The following OGDHL variants were observed in gnomAD, a reference collection of about 807,000 sequenced individuals.
The protein encoded by OGDHL is oxoglutarate dehydrogenase L.
In OGDHL, 79 loss-of-function variants were observed where a neutral mutation model predicts 109.6. The ratio of observed to expected loss-of-function variants is 0.72; its 90% CI spans 0.60 to 0.87. The LOEUF (loss-of-function observed/expected upper bound fraction) is 0.87, where lower values mean the gene tolerates loss of function less well. OGDHL is among the 40% of genes least tolerant of loss of function. The pLI is 0.00. For synonymous variants in OGDHL, 528 were observed against 537.2 expected (o/e 0.98, Z 0.24); for missense variants, 1,275 against 1,362.2 (o/e 0.94, Z 1.01).
intron 3 of OGDHL, among the ~76,000 whole-genome samples, chr10:49,752,975 A>G (rs905586057): frequency 1.3e-5 from 2 of 152,224 alleles, no homozygotes; most frequent in Non-Finnish European, 2.9e-5. Context: ...CAGGAAAAAG[A>G]CCTATGCACA....
At chr10:49,745,314 C>T (rs1184881200) in intron 12 of OGDHL, 30 bp downstream of exon 12, 1 of 1,610,050 alleles carries the variant, frequency 6.2e-7, no homozygotes, top group Non-Finnish European at 8.5e-7. Context: ...CAAAGTTTGT[C>T]TTGGGCGCCC....
At chr10:49,752,529 T>A in intron 4 of OGDHL, 109 bp downstream of exon 4, 1 of 947,280 alleles carries the variant, frequency 1.1e-6, no homozygotes. Context: ...TGTGGGCTGC[T>A]CCCCGAGCTC....
chr10:49,761,654 C>T lies in OGDHL; in HGVS notation c.-2+585G>A, dbSNP rs538166699. Among the ~76,000 whole-genome samples the T allele has an allele frequency of 8.1e-4, 124 of 152,350 alleles. 1 individual carries two copies. Among genetic ancestry groups the T allele is most frequent in the Non-Finnish European group, 1.0e-4 (7 of 68,032 alleles). ...GTCTCTCCGGTTCGGCGAATGCGTA[C>T]TGCAGCCTGCTGTGGCCTCGGGATT... On this transcript the variant is annotated intron_variant, in intron 1 of 22. Transcript: ENST00000374103.
intron 10 of OGDHL, 52 bp from the exon 11 acceptor site, chr10:49,746,029 T>C (rs764925024): frequency 1.9e-6 from 3 of 1,588,122 alleles, no homozygotes; most frequent in Admixed American, 1.7e-5. Flanking sequence ...TAGAGTGAGA[T>C]AGAAGGTGCC....
chr10:49,744,630 G>T lies in OGDHL; in HGVS notation c.1732+20C>A, dbSNP rs1160335491. 4 of 1,601,418 alleles carry T rather than the reference G, an allele frequency of 2.5e-6. No homozygotes were observed. In the Middle Eastern group the frequency reaches 5.0e-4, roughly 200 times the overall value. ...TCAAGGCCCAGGGGAGTCCCTCTGA[G>T]CCACACACTGCTCGCTCACCAGGCC... On this transcript the variant is annotated intron_variant, in intron 13 of 22. Coordinates refer to ENST00000374103, the MANE Select transcript of OGDHL (RefSeq NM_018245.3).
intron 7 of OGDHL, among the ~76,000 whole-genome samples, chr10:49,750,250 A>G (rs1842492054): frequency 6.6e-6 from 1 of 152,166 alleles, no homozygotes; most frequent in African/African-American, 2.4e-5. Context: ...ACATCTGCAC[A>G]TGCCCACTCA....
intron 17 of OGDHL, chr10:49,738,731 A>G (rs191900941): frequency 5.7e-6 from 1 of 176,616 alleles, no homozygotes; most frequent in South Asian, 1.4e-4. Context: ...GGCCAACCCA[A>G]CTCGGCCTGG....
chr10:49,742,237 CCA>C (rs777101846), intron 15 of OGDHL, among the ~76,000 whole-genome samples: 1 of 139,106 alleles, frequency 7.2e-6, no homozygotes, highest in Non-Finnish European at 1.5e-5. Context: ...CACGCACACA[CCA>C]CACATACACC....
intron 1 of OGDHL, among the ~76,000 whole-genome samples, chr10:49,761,540 G>A (rs547559333): frequency 2.6e-5 from 4 of 152,178 alleles, no homozygotes; most frequent in Non-Finnish European, 4.4e-5. Flanking sequence ...GCAACAAACC[G>A]CAATTCTATT....
Position 49,737,843 on chromosome 10 carries a change from G to C in OGDHL, c.2533C>G (p.Pro845Ala), listed in dbSNP as rs199729908. The C allele has an allele frequency of 6.2e-7, 1 of 1,614,210 alleles. No individual in the cohort carries two copies. Among genetic ancestry groups the C allele is most frequent in the Non-Finnish European group, 8.5e-7 (1 of 1,180,026 alleles). ...PFRKPLIIFT[P>A]KSLLRHPEAK... is the part of the protein sequence containing the mutation. ...TCTGGGTGCCTCAGCAGAGATTTAG[G>C]TGTGAAGATAATCAGCTGGAAGGGA... Residue 845 changes from proline (P) to alanine (A), a missense_variant, in exon 20 of 23, where the codon CCT becomes GCT. By Grantham distance (27) the Pro-to-Ala change is conservative. Transcript: ENST00000374103.
intron 10 of OGDHL, 33 bp from the exon 11 acceptor site, chr10:49,746,010 C>G: frequency 1.2e-6 from 2 of 1,607,486 alleles, no homozygotes; most frequent in Non-Finnish European, 1.7e-6. Flanking sequence ...CTGCGCCTCT[C>G]AATTTACTTA....
At chr10:49,754,982 C>T (rs1215180102) in intron 3 of OGDHL, among the ~76,000 whole-genome samples, 1 of 152,148 alleles carries the variant, frequency 6.6e-6, no homozygotes, top group African/African-American at 2.4e-5. Context: ...CAATGGCTCA[C>T]GCTGTAATCC....
intron 11 of OGDHL, 139 bp from the exon 12 acceptor site, chr10:49,745,635 A>C: frequency 7.6e-7 from 1 of 1,311,742 alleles, no homozygotes; most frequent in South Asian, 1.4e-5. Context: ...CACCGAATGA[A>C]TGTCCCGTCC....
At chr10:49,741,742 C>T (rs1299738068) in intron 15 of OGDHL, among the ~76,000 whole-genome samples, 3 of 148,736 alleles carry the variant, frequency 2.0e-5, no homozygotes, top group African/African-American at 7.5e-5. Flanking sequence ...CACATACATA[C>T]ACACACCACA....
chr10:49,749,177 C>A (rs1360346130), intron 8 of OGDHL, among the ~76,000 whole-genome samples: 1 of 152,080 alleles, frequency 6.6e-6, no homozygotes, highest in African/African-American at 2.4e-5. Flanking sequence ...CCATTGCACT[C>A]CAGCCTGGGC....
intron 17 of OGDHL, chr10:49,739,423 C>G: frequency 2.1e-6 from 1 of 469,264 alleles, no homozygotes; most frequent in Non-Finnish European, 3.8e-6. Context: ...AAGCATTGAA[C>G]AGTGCCTGGC....
At chr10:49,737,623 G>A (rs1841296789) in intron 20 of OGDHL, among the ~76,000 whole-genome samples, 163 bp downstream of exon 20, 1 of 152,110 alleles carries the variant, frequency 6.6e-6, no homozygotes, top group African/African-American at 2.4e-5. Context: ...CAGCCATTGT[G>A]CCAACCTCCC....
At chr10:49,755,586 G>C (rs888114315) in intron 3 of OGDHL, among the ~76,000 whole-genome samples, 24 of 152,068 alleles carry the variant, frequency 1.6e-4, no homozygotes, top group African/African-American at 5.3e-4. Flanking sequence ...GTGTGCAGGT[G>C]ATTCTAACCA....
chr10:49,746,041 G>C, intron 10 of OGDHL, 64 bp from the exon 11 acceptor site: 1 of 1,558,578 alleles, frequency 6.4e-7, no homozygotes, highest in Admixed American at 1.8e-5. Context: ...GAAGGTGCCA[G>C]CCTTGGAGAC....
Sources: gnomAD v4.1 joint callset for allele counts (sites outside exome capture counted in the v4.1 genomes callset) on GRCh38, gnomAD v4.1.1 for gene constraint, MANE v1.5 for transcripts, NCBI Gene and HGNC (gene_info 2026-07-23, HGNC 2026-07-21) for gene names.